EFCAB11: variants seen among roughly 807,000 people sequenced by gnomAD.
The protein encoded by EFCAB11 is EF-hand calcium-binding domain-containing protein 11.
EFCAB11 carries 14 observed loss-of-function variants against 23.0 expected under a neutral mutation model. That is an observed-to-expected ratio of 0.61 (90% CI 0.40 to 0.95). The LOEUF is 0.95. EFCAB11 is among the 40% of genes least tolerant of loss of function. The pLI, the probability that EFCAB11 is intolerant of heterozygous loss-of-function variation, is 0.00. For synonymous variants in EFCAB11, 65 were observed against 66.6 expected (o/e 0.98, Z 0.11); for missense variants, 198 against 195.8 (o/e 1.01, Z -0.07).
chr14:89,904,800 T>G (rs1220045660), intron 5 of EFCAB11, among the ~76,000 whole-genome samples: 2 of 152,218 alleles, frequency 1.3e-5, no homozygotes, highest in African/African-American at 4.8e-5. Flanking sequence ...GTTCATATCC[T>G]TTGCCCACTT....
At position 89,831,458 on chromosome 14, in the gene EFCAB11, A is replaced by T. The variant is rs188173700; in HGVS notation, c.411-34134T>A. On this transcript the variant is annotated intron_variant, in intron 5 of 5. Coordinates refer to ENST00000316738, the MANE Select transcript of EFCAB11 (RefSeq NM_145231.4). ...TATGACTGCTGAAAGAACAGGAGTT[A>T]CAAAGAATGTGATATCACTACAATA... Among the ~76,000 whole-genome samples, 13 of 152,366 alleles carry T rather than the reference A, an allele frequency of 8.5e-5. No individual in the cohort carries two copies. In the East Asian group the frequency reaches 2.5e-3, roughly 29 times the overall value.
At chr14:89,860,453 G>T (rs1596406860) in intron 5 of EFCAB11, among the ~76,000 whole-genome samples, 1 of 152,182 alleles carries the variant, frequency 6.6e-6, no homozygotes. Flanking sequence ...AAAAGCTTGT[G>T]TTGTTACTAT....
At chr14:89,818,966 T>TA (rs1886421336) in intron 5 of EFCAB11, among the ~76,000 whole-genome samples, 2 of 152,282 alleles carry the variant, frequency 1.3e-5, no homozygotes, top group Admixed American at 6.5e-5. Context: ...GGCAGTTTTG[T>TA]AAAAAAACTA....
At chr14:89,885,291 T>G (rs947193458) in intron 5 of EFCAB11, among the ~76,000 whole-genome samples, 1 of 152,112 alleles carries the variant, frequency 6.6e-6, no homozygotes. Flanking sequence ...AACAAAAGGA[T>G]ATACTTTATT....
chr14:89,861,881 T>C (rs1887935644), intron 5 of EFCAB11, among the ~76,000 whole-genome samples: 1 of 152,198 alleles, frequency 6.6e-6, no homozygotes, highest in Non-Finnish European at 1.5e-5. Flanking sequence ...CTGTGAGAAA[T>C]AAATTTCTTT....
intron 3 of EFCAB11, among the ~76,000 whole-genome samples, chr14:89,945,946 T>C (rs1176507378): frequency 1.3e-5 from 2 of 148,204 alleles, no homozygotes; most frequent in Non-Finnish European, 3.0e-5. Context: ...TGAGACAGAG[T>C]CTTGCTCTGT....
At chr14:89,892,473 C>G in intron 5 of EFCAB11, 1 of 1,494,570 alleles carries the variant, frequency 6.7e-7, no homozygotes, top group South Asian at 1.4e-5. Context: ...TAAAGCAGTC[C>G]CAGCCTTAGC....
intron 5 of EFCAB11, among the ~76,000 whole-genome samples, chr14:89,929,044 TACACACAC>T (rs747390324): frequency 7.2e-6 from 1 of 138,908 alleles, no homozygotes; most frequent in African/African-American, 2.8e-5. Flanking sequence ...TATATATATA[TACACACAC>T]ACATATTTTT....
chr14:89,800,229 G>A (rs937646633), intron 5 of EFCAB11, among the ~76,000 whole-genome samples: 31 of 150,252 alleles, frequency 2.1e-4, no homozygotes, highest in Admixed American at 4.6e-4. Context: ...ACAAACGCAC[G>A]CCTGAGAAAC....
chr14:89,899,371 G>T (rs1051176438), intron 5 of EFCAB11, among the ~76,000 whole-genome samples: 15 of 152,136 alleles, frequency 9.9e-5, no homozygotes, highest in African/African-American at 3.6e-4. Flanking sequence ...AAATCACCAG[G>T]GAGACCCCAT....
At chr14:89,844,896 G>A (rs2096851333) in intron 5 of EFCAB11, among the ~76,000 whole-genome samples, 1 of 152,100 alleles carries the variant, frequency 6.6e-6, no homozygotes, top group African/African-American at 2.4e-5. Flanking sequence ...ACACTATGAG[G>A]TAGACTGCCA....
intron 5 of EFCAB11, among the ~76,000 whole-genome samples, chr14:89,854,591 C>T (rs376686623): frequency 2.6e-5 from 4 of 152,296 alleles, no homozygotes; most frequent in Admixed American, 6.5e-5. Context: ...TGCTCTTTCA[C>T]GGAGCCATCT....
At position 89,929,031 on chromosome 14, in the gene EFCAB11, A is replaced by ATATATATATATATATATATATATTT. The variant is rs533468035; in HGVS notation, c.410+2509_410+2510insAAATATATATATATATATATATATA. Among the ~76,000 whole-genome samples, 624 of 129,404 alleles carry ATATATATATATATATATATATATTT rather than the reference A, an allele frequency of 4.8e-3. 15 individuals are homozygous for ATATATATATATATATATATATATTT. Among genetic ancestry groups the ATATATATATATATATATATATATTT allele is most frequent in the African/African-American group, 0.018 (550 of 29,966 alleles). The allele number at this position is 129,404 out of a possible 152,430, so 84.9% of individuals were successfully genotyped here. On this transcript the variant is annotated intron_variant, in intron 5 of 5. Transcript: ENST00000316738. ...GAAAGATGGACATATAAATACATACATATATATATATATACACACACACAT... is the reference window on the plus strand; with the variant it reads ...GAAAGATGGACATATAAATACATACATATATATATATATATATATATATTTTATATATATATATACACACACACAT...
At chr14:89,817,545 T>C (rs1209073022) in intron 5 of EFCAB11, among the ~76,000 whole-genome samples, 1 of 151,962 alleles carries the variant, frequency 6.6e-6, no homozygotes, top group Non-Finnish European at 1.5e-5. Flanking sequence ...AAATATAAAC[T>C]TAGATGCTTA....
chr14:89,814,119 C>T (rs774347875), intron 5 of EFCAB11, among the ~76,000 whole-genome samples: 26 of 149,460 alleles, frequency 1.7e-4, no homozygotes, highest in Non-Finnish European at 2.5e-4. Context: ...AATCGAACCA[C>T]AGGTATAAAA....
At chr14:89,869,826 A>G (rs1481959210) in intron 5 of EFCAB11, among the ~76,000 whole-genome samples, 2 of 152,186 alleles carry the variant, frequency 1.3e-5, no homozygotes, top group Non-Finnish European at 2.9e-5. Flanking sequence ...CTAACTCCCA[A>G]CAACAACTAG....
intron 5 of EFCAB11, among the ~76,000 whole-genome samples, chr14:89,871,280 A>G (rs1477284254): frequency 6.6e-6 from 1 of 152,084 alleles, no homozygotes; most frequent in Non-Finnish European, 1.5e-5. Flanking sequence ...ACTTCTAATG[A>G]TTCTCTGGTT....
chr14:89,851,748 T>C (rs894769767), intron 5 of EFCAB11, among the ~76,000 whole-genome samples: 3 of 152,204 alleles, frequency 2.0e-5, no homozygotes, highest in African/African-American at 4.8e-5. Flanking sequence ...GTCCTGGAGA[T>C]TGGCCATCAT....
chr14:89,801,332 T>C (rs1366875204), intron 5 of EFCAB11, among the ~76,000 whole-genome samples: 1 of 152,146 alleles, frequency 6.6e-6, no homozygotes, highest in African/African-American at 2.4e-5. Flanking sequence ...ATGGTGACTT[T>C]GGGGTGTCAG....
Sources: gnomAD v4.1 joint callset for allele counts (sites outside exome capture counted in the v4.1 genomes callset) on GRCh38, gnomAD v4.1.1 for gene constraint, MANE v1.5 for transcripts, NCBI Gene and HGNC (gene_info 2026-07-23, HGNC 2026-07-21) for gene names.